The following RGL1 variants were observed in gnomAD, a reference collection of about 807,000 sequenced individuals.
RGL1 encodes ral guanine nucleotide dissociation stimulator like 1.
A neutral mutation model predicts 95.2 loss-of-function variants in RGL1; 24 were observed. The ratio of observed to expected loss-of-function variants is 0.25; its 90% CI spans 0.18 to 0.35. The LOEUF is 0.35. RGL1 is among the 10% of genes least tolerant of loss of function. The pLI is 1.00. For missense variants in RGL1, 715 were observed against 936.3 expected (o/e 0.76, Z 3.08); for synonymous variants, 329 against 344.9 (o/e 0.95, Z 0.51).
At chr1:183,892,512 C>A (rs959164530) in intron 9 of RGL1, among the ~76,000 whole-genome samples, 2 of 152,264 alleles carry the variant, frequency 1.3e-5, no homozygotes, top group Non-Finnish European at 2.9e-5. Flanking sequence ...AGCAAAACAT[C>A]TAGAATGACA....
intron 1 of RGL1, among the ~76,000 whole-genome samples, chr1:183,674,722 G>A (rs530547316): frequency 6.6e-6 from 1 of 152,208 alleles, no homozygotes; most frequent in Non-Finnish European, 1.5e-5. Flanking sequence ...GGAGGCAAGA[G>A]TGCATTATGT....
At chr1:183,833,749 A>T (rs1207785999) in intron 2 of RGL1, among the ~76,000 whole-genome samples, 1 of 152,218 alleles carries the variant, frequency 6.6e-6, no homozygotes, top group Non-Finnish European at 1.5e-5. Context: ...TTGACCTTAC[A>T]AATGAATAAT....
intron 1 of RGL1, among the ~76,000 whole-genome samples, chr1:183,737,887 G>A (rs1273620205): frequency 1.3e-5 from 2 of 152,116 alleles, no homozygotes; most frequent in Non-Finnish European, 2.9e-5. Context: ...TTACCATCCA[G>A]TTGTTTAAAC....
chr1:183,843,458 C>G (rs1180131516), intron 2 of RGL1, among the ~76,000 whole-genome samples: 2 of 152,170 alleles, frequency 1.3e-5, no homozygotes, highest in East Asian at 1.9e-4. Context: ...TAATTCCATT[C>G]CCAAGGGAGA....
At chr1:183,837,422 G>A (rs567739145) in intron 2 of RGL1, among the ~76,000 whole-genome samples, 8 of 152,290 alleles carry the variant, frequency 5.3e-5, no homozygotes, top group Middle Eastern at 3.4e-3. Context: ...GGACATTTGA[G>A]GCTCTGAATG....
chr1:183,745,817 GT>G lies in RGL1; in HGVS notation c.132+3530del, dbSNP rs142542451. Among the ~76,000 whole-genome samples the G allele has an allele frequency of 6.1e-4, 93 of 152,186 alleles. 1 individual carries two copies. The East Asian group carries it at 0.017, about 28-fold the overall frequency. On this transcript the variant is annotated intron_variant, in intron 2 of 18. Coordinates refer to the RGL1 transcript ENST00000304685. ...ATGAAGAAAAATTAAGCAGAAACTT[GT>G]TGGGAATTTGATTTGGATTTCAGTA...
At chr1:183,735,821 A>G (rs548856425) in intron 1 of RGL1, among the ~76,000 whole-genome samples, 8 of 152,056 alleles carry the variant, frequency 5.3e-5, no homozygotes, top group South Asian at 2.1e-4. Context: ...CCATTTTCAT[A>G]TGGTCATCTT....
At chr1:183,769,248 C>T (rs1272968594) in intron 2 of RGL1, among the ~76,000 whole-genome samples, 1 of 152,122 alleles carries the variant, frequency 6.6e-6, no homozygotes, top group Non-Finnish European at 1.5e-5. Flanking sequence ...TTCATTAAAC[C>T]AACAACATTA....
intron 3 of RGL1, among the ~76,000 whole-genome samples, chr1:183,853,694 A>C (rs1343453836): frequency 2.0e-5 from 3 of 152,176 alleles, no homozygotes. Context: ...CTATGTTTAC[A>C]GATTAGAAAA....
At chr1:183,820,189 T>G (rs977540543) in intron 2 of RGL1, among the ~76,000 whole-genome samples, 6 of 152,312 alleles carry the variant, frequency 3.9e-5, no homozygotes, top group South Asian at 2.1e-4. Flanking sequence ...CTTCCAATTT[T>G]TGTTCACAGG....
chr1:183,792,305 C>T (rs1480538269), intron 2 of RGL1, among the ~76,000 whole-genome samples: 2 of 152,082 alleles, frequency 1.3e-5, no homozygotes, highest in Non-Finnish European at 2.9e-5. Flanking sequence ...TTGCCTCACT[C>T]AGCCTAGGTG....
At chr1:183,651,686 GAC>G (rs1650764971) in intron 1 of RGL1, among the ~76,000 whole-genome samples, 1 of 152,222 alleles carries the variant, frequency 6.6e-6, no homozygotes, top group African/African-American at 2.4e-5. Flanking sequence ...CATAGGATTG[GAC>G]ATTAGCTTTG....
At chr1:183,681,363 TA>T (rs1241760089) in intron 1 of RGL1, among the ~76,000 whole-genome samples, 1 of 152,216 alleles carries the variant, frequency 6.6e-6, no homozygotes, top group African/African-American at 2.4e-5. Context: ...AAGCCTAGTT[TA>T]TTGAGAGCTT....
intron 1 of RGL1, among the ~76,000 whole-genome samples, chr1:183,670,397 C>A (rs75445395): frequency 0.013 from 1,980 of 152,272 alleles, 53 homozygotes; most frequent in African/African-American, 0.046. Flanking sequence ...TGTCCCCCTG[C>A]TGGAATCATA....
At chr1:183,651,765 T>A (rs1021848392) in intron 1 of RGL1, among the ~76,000 whole-genome samples, 11 of 152,208 alleles carry the variant, frequency 7.2e-5, no homozygotes, top group African/African-American at 2.4e-4. Flanking sequence ...CTAGACCTTG[T>A]CATAGCTTTC....
intron 2 of RGL1, among the ~76,000 whole-genome samples, chr1:183,842,225 T>A (rs923113673): frequency 2.0e-5 from 3 of 152,170 alleles, no homozygotes. Flanking sequence ...TGAAGAGTGA[T>A]CATGGTGTGG....
chr1:183,656,971 G>T (rs1651211575), intron 1 of RGL1, among the ~76,000 whole-genome samples: 1 of 144,242 alleles, frequency 6.9e-6, no homozygotes. Flanking sequence ...AATGAAATTA[G>T]TGAACTTAGG....
chr1:183,916,704 G>A lies in RGL1; in HGVS notation c.2004+3G>A. 5.0e-6 allele frequency: 8 copies of A among 1,610,478 alleles called. No individual in the cohort carries two copies. Among genetic ancestry groups the A allele is most frequent in the Non-Finnish European group, 2.5e-6 (3 of 1,178,892 alleles). On this transcript the variant is annotated splice_donor_region_variant and intron_variant, in intron 16 of 17. Transcript: ENST00000360851. Reference sequence around the variant, plus strand: ...GCAACATGTACAAGAGCATCATGGTGAGGAGCAAGCCCTGACCCAGGAGCG... The same window carrying A: ...GCAACATGTACAAGAGCATCATGGTAAGGAGCAAGCCCTGACCCAGGAGCG...
intron 3 of RGL1, among the ~76,000 whole-genome samples, chr1:183,853,088 C>A (rs1488447990): frequency 2.0e-5 from 3 of 152,108 alleles, no homozygotes; most frequent in Non-Finnish European, 4.4e-5. Flanking sequence ...GTAATCCCAG[C>A]ACTTTGGGAG....
Sources: allele counts gnomAD v4.1 joint callset (sites outside exome capture counted in the v4.1 genomes callset), GRCh38; gene constraint gnomAD v4.1.1; transcripts MANE v1.5; gene names NCBI Gene and HGNC (gene_info 2026-07-23, HGNC 2026-07-21).